The following LRRC8C variants were observed in gnomAD, a reference collection of about 807,000 sequenced individuals.
LRRC8C encodes the protein leucine rich repeat containing 8 VRAC subunit C.
Under a neutral mutation model 55.3 loss-of-function variants are expected in LRRC8C, and 20 were observed. The observed-to-expected ratio is 0.36, with a 90% confidence interval of 0.25 to 0.53. The LOEUF is 0.53. LRRC8C is among the 20% of genes least tolerant of loss of function. The pLI is 0.92. For synonymous variants in LRRC8C, 376 were observed against 360.7 expected, an observed-to-expected ratio of 1.04 and a Z score of -0.48; for missense variants, 659 against 951.4, an observed-to-expected ratio of 0.69 and a Z score of 4.04.
intron 2 of LRRC8C, among the ~76,000 whole-genome samples, chr1:89,692,238 T>A (rs1362483347): frequency 1.3e-5 from 2 of 152,224 alleles, no homozygotes; most frequent in Non-Finnish European, 2.9e-5. Flanking sequence ...AAATTGAAAG[T>A]GTATCATTCT....
At chr1:89,644,093 T>C (rs1350730091) in intron 1 of LRRC8C, among the ~76,000 whole-genome samples, 4 of 152,212 alleles carry the variant, frequency 2.6e-5, no homozygotes, top group Admixed American at 2.6e-4. Flanking sequence ...ACATCAATGG[T>C]AGGATAGCTT....
chr1:89,622,131 A>T, the LRRC8C span, among the ~76,000 whole-genome samples: 130 of 152,274 alleles, frequency 8.5e-4, no homozygotes, highest in Middle Eastern at 6.8e-3. Flanking sequence ...GTGATGTTTT[A>T]AGATAGAAAG....
chr1:89,667,369 A>T (rs1657298429), intron 1 of LRRC8C, among the ~76,000 whole-genome samples: 1 of 152,008 alleles, frequency 6.6e-6, no homozygotes, highest in Non-Finnish European at 1.5e-5. Flanking sequence ...CCACTCCCTA[A>T]ACCTACTTTC....
chr1:89,702,299 A>G (rs1658353645), intron 2 of LRRC8C, among the ~76,000 whole-genome samples: 2 of 152,230 alleles, frequency 1.3e-5, no homozygotes, highest in African/African-American at 4.8e-5. Context: ...GAACACATGA[A>G]AAAAACTATG....
At chr1:89,682,021 CA>C (rs533137650) in intron 1 of LRRC8C, among the ~76,000 whole-genome samples, 1,935 of 152,096 alleles carry the variant, frequency 0.013, 48 homozygotes, top group African/African-American at 0.044. Flanking sequence ...ACTAAAAATA[CA>C]AAAAATTAGC....
At chr1:89,662,765 A>G (rs1360734105) in intron 1 of LRRC8C, among the ~76,000 whole-genome samples, 1 of 152,112 alleles carries the variant, frequency 6.6e-6, no homozygotes, top group East Asian at 1.9e-4. Context: ...TGAATACCAC[A>G]AATTTAGTAT....
intron 1 of LRRC8C, among the ~76,000 whole-genome samples, chr1:89,633,587 C>T (rs2101167977): frequency 6.6e-6 from 1 of 152,302 alleles, no homozygotes; most frequent in East Asian, 1.9e-4. Context: ...CAGCCTGGCG[C>T]CCAACGCCGC....
chr1:89,649,833 T>C (rs1656709080), intron 1 of LRRC8C, among the ~76,000 whole-genome samples: 1 of 152,210 alleles, frequency 6.6e-6, no homozygotes, highest in Non-Finnish European at 1.5e-5. Context: ...TTTAACTCTT[T>C]CTTATCACAC....
At chr1:89,681,427 G>A (rs1657705823) in intron 1 of LRRC8C, among the ~76,000 whole-genome samples, 1 of 152,202 alleles carries the variant, frequency 6.6e-6, no homozygotes, top group African/African-American at 2.4e-5. Context: ...TTGGGGCCTT[G>A]TAATATGTTA....
intron 2 of LRRC8C, among the ~76,000 whole-genome samples, chr1:89,707,635 GGTGTGTGTGTGTGTGAGTGT>G (rs1223637634): frequency 7.1e-6 from 1 of 140,808 alleles, no homozygotes; most frequent in African/African-American, 2.6e-5. Context: ...AGGTGTGGCT[GGTGTGTGTGTGTGTGAGTGT>G]GTGTGTGTGT....
In LRRC8C at chr1:89,664,317, T is replaced by C. The variant is rs138166308; in HGVS notation, c.-4-22153T>C. Among the ~76,000 whole-genome samples, 8 of 152,336 alleles carry C rather than the reference T, an allele frequency of 5.3e-5. No homozygotes were observed. The East Asian group carries it at 1.5e-3, about 29-fold the overall frequency. On this transcript the variant is annotated intron_variant, in intron 1 of 2. Transcript: ENST00000370454. Reference sequence around the variant, plus strand: ...TTAATCTATCTTGAGTTAATTTTTGTATAATGTGTAAGGAAGGGGTGCAGT... The same window carrying C: ...TTAATCTATCTTGAGTTAATTTTTGCATAATGTGTAAGGAAGGGGTGCAGT...
intron 2 of LRRC8C, among the ~76,000 whole-genome samples, chr1:89,696,204 G>T (rs951356121): frequency 3.9e-5 from 6 of 152,148 alleles, no homozygotes; most frequent in African/African-American, 1.4e-4. Context: ...AGACATAGTG[G>T]ACAAGATCAG....
chr1:89,627,793 G>A, the LRRC8C span, among the ~76,000 whole-genome samples: 1 of 152,134 alleles, frequency 6.6e-6, no homozygotes, highest in African/African-American at 2.4e-5. Context: ...AAATAATACT[G>A]CCTGTGTAAT....
At chr1:89,617,435 C>G in the LRRC8C span, among the ~76,000 whole-genome samples, 2 of 152,204 alleles carry the variant, frequency 1.3e-5, no homozygotes, top group South Asian at 4.1e-4. Context: ...TGAGGCTATC[C>G]TAACATGTTC....
intron 1 of LRRC8C, among the ~76,000 whole-genome samples, chr1:89,661,896 A>G (rs1657133082): frequency 6.6e-6 from 1 of 152,100 alleles, no homozygotes. Context: ...TAGTGATAGA[A>G]ATGGTGAAAA....
In LRRC8C at chr1:89,712,946, T is replaced by C; in HGVS notation, c.376T>C (p.Tyr126His). 1 of 1,613,728 alleles carries C rather than the reference T, an allele frequency of 6.2e-7. No homozygotes were observed. Residue 126 changes from tyrosine to histidine, a missense_variant, in exon 3 of 3, where the codon TAT becomes CAT. Physicochemically the swap from Tyr to His is moderately conservative, Grantham distance 83. Around this residue, in one of 5 missense-constraint regions of LRRC8C, gnomAD observed 200 missense variants for 360.5 expected, o/e 0.55. Coordinates refer to ENST00000370454, the MANE Select transcript of LRRC8C (RefSeq NM_032270.5). ...YERALHWYAKYFPYLVLIHTL... is the reference protein window; with the variant it reads ...YERALHWYAKHFPYLVLIHTL... ...GCGAGCCCTCCACTGGTATGCCAAG[T>C]ATTTCCCTTACCTTGTCCTCATCCA...
chr1:89,694,124 C>T (rs574514718), intron 2 of LRRC8C, among the ~76,000 whole-genome samples: 1 of 151,952 alleles, frequency 6.6e-6, no homozygotes, highest in African/African-American at 2.4e-5. Context: ...ATTTCAAAAC[C>T]TCTGTTACAT....
intron 2 of LRRC8C, among the ~76,000 whole-genome samples, chr1:89,705,874 C>A (rs142946229): frequency 2.0e-5 from 3 of 152,116 alleles, no homozygotes; most frequent in African/African-American, 7.2e-5. Flanking sequence ...TGCACAAAAT[C>A]TATGTGAGAA....
intron 2 of LRRC8C, among the ~76,000 whole-genome samples, chr1:89,705,413 T>G (rs1446980689): frequency 2.6e-5 from 4 of 151,514 alleles, no homozygotes; most frequent in Admixed American, 6.6e-5. Context: ...CCCTAAAACT[T>G]AAAGTATAAT....
Sources: allele counts gnomAD v4.1 joint callset (sites outside exome capture counted in the v4.1 genomes callset), GRCh38; gene constraint gnomAD v4.1.1; regional missense constraint gnomAD v4.1.1; transcripts MANE v1.5; gene names NCBI Gene and HGNC (gene_info 2026-07-23, HGNC 2026-07-21).